PCCA: variants seen among roughly 807,000 people sequenced by gnomAD.
The protein encoded by PCCA is propionyl-CoA carboxylase alpha chain, mitochondrial.
PCCA carries 74 observed loss-of-function variants against 101.3 expected under a neutral mutation model. The ratio of observed to expected loss-of-function variants is 0.73; its 90% CI spans 0.61 to 0.89. The LOEUF is 0.89. PCCA is among the 40% of genes least tolerant of loss of function. The pLI, the probability that PCCA is intolerant of heterozygous loss-of-function variation, is 0.00. For synonymous variants in PCCA, 294 were observed against 313.6 expected (o/e 0.94, Z 0.66); for missense variants, 891 against 907.0 (o/e 0.98, Z 0.23).
At chr13:100,332,145 G>T (rs2069712822) in intron 17 of PCCA, among the ~76,000 whole-genome samples, 1 of 151,966 alleles carries the variant, frequency 6.6e-6, no homozygotes, top group African/African-American at 2.4e-5. Context: ...CACCATGTTG[G>T]CCAGGCTTGA....
At position 100,382,158 on chromosome 13, in the gene PCCA, A is replaced by C. The variant is rs576644551; in HGVS notation, c.1746+13584A>C. On this transcript the variant is annotated intron_variant, in intron 19 of 23. Transcript: ENST00000376285. ...GTCCAGGAAAAATGAGGTCACACGA[A>C]CTAATTGAAGGATGGTAAATGCAGG... Among the ~76,000 whole-genome samples the C allele has an allele frequency of 5.9e-5, 9 of 152,314 alleles. No homozygotes were observed. In the East Asian group the frequency reaches 1.7e-3, roughly 29 times the overall value.
chr13:100,219,631 A>C (rs996977968), intron 7 of PCCA, among the ~76,000 whole-genome samples: 14 of 152,202 alleles, frequency 9.2e-5, no homozygotes, highest in Non-Finnish European at 2.1e-4. Context: ...ATTAAGGTAA[A>C]TATACTGCCA....
At chr13:100,139,175 G>T (rs1322783312) in intron 4 of PCCA, among the ~76,000 whole-genome samples, 1 of 151,702 alleles carries the variant, frequency 6.6e-6, no homozygotes, top group African/African-American at 2.4e-5. Context: ...CAGGAATTTT[G>T]TCTTTAATTT....
Position 100,098,158 on chromosome 13 carries a change from A to C in PCCA, c.106-4725A>C, listed in dbSNP as rs114117163. ...ATGGGCTATAATTGTGCCTGTGAGT[A>C]GTCACTGCAGTCCAGCCTGGGCAAA... is the stretch of plus-strand genomic sequence containing the variant. On this transcript the variant is annotated intron_variant, in intron 1 of 23. Coordinates refer to ENST00000376285, the MANE Select transcript of PCCA (RefSeq NM_000282.4). Among the ~76,000 whole-genome samples, 714 of 152,200 alleles carry C rather than the reference A, an allele frequency of 4.7e-3. 8 individuals are homozygous for C. The highest frequency in any genetic ancestry group is 0.016 in the African/African-American group (679 of 41,528).
At chr13:100,184,700 T>A (rs1355400943) in intron 6 of PCCA, among the ~76,000 whole-genome samples, 2 of 152,252 alleles carry the variant, frequency 1.3e-5, no homozygotes, top group African/African-American at 4.8e-5. Flanking sequence ...TGGCTGTGTT[T>A]CAATACAACT....
chr13:100,224,506 G>A (rs1384913122), intron 7 of PCCA, among the ~76,000 whole-genome samples: 1 of 152,126 alleles, frequency 6.6e-6, no homozygotes. Context: ...CCACAGTGCA[G>A]GGGTGGGCTG....
chr13:100,166,119 C>T (rs991947191), intron 6 of PCCA, among the ~76,000 whole-genome samples: 4 of 152,170 alleles, frequency 2.6e-5, no homozygotes, highest in East Asian at 1.9e-4. Context: ...CTGGCTCTTT[C>T]GGCCACTTCC....
intron 21 of PCCA, among the ~76,000 whole-genome samples, chr13:100,455,900 G>A (rs181485900): frequency 6.6e-6 from 1 of 152,102 alleles, no homozygotes; most frequent in Admixed American, 6.5e-5. Context: ...GGGTTTCACT[G>A]TGTTGGCCAG....
chr13:100,204,863 G>A (rs766653800), intron 6 of PCCA, among the ~76,000 whole-genome samples: 2 of 152,022 alleles, frequency 1.3e-5, no homozygotes, highest in Non-Finnish European at 2.9e-5. Flanking sequence ...CCATCATAGC[G>A]CACAACAGCT....
intron 7 of PCCA, among the ~76,000 whole-genome samples, chr13:100,220,268 G>GT (rs949053134): frequency 4.0e-5 from 6 of 151,206 alleles, no homozygotes; most frequent in Non-Finnish European, 4.4e-5. Context: ...TTTTGTTTTT[G>GT]TTTTTTTTGA....
rs2067360212 is a variant in PCCA, at chr13:100,316,489, T to C, written c.1429+6581T>C. Among the ~76,000 whole-genome samples the C allele has an allele frequency of 2.0e-5, 3 of 152,232 alleles. No homozygotes were observed. The South Asian group carries it at 6.2e-4, about 31-fold the overall frequency. Reference sequence around the variant, plus strand: ...AACACCTATTTTTCAGCTTTGGATATAGAGGACAAATACAACATATGATTT... The same window carrying C: ...AACACCTATTTTTCAGCTTTGGATACAGAGGACAAATACAACATATGATTT... On this transcript the variant is annotated intron_variant, in intron 16 of 23. Transcript: ENST00000376285.
chr13:100,095,752 G>A (rs1203467075), intron 1 of PCCA, among the ~76,000 whole-genome samples: 1 of 152,196 alleles, frequency 6.6e-6, no homozygotes, highest in Non-Finnish European at 1.5e-5. Context: ...GTGATCTTAG[G>A]AGATGAGGGA....
chr13:100,214,262 G>T (rs1013250809), intron 7 of PCCA, among the ~76,000 whole-genome samples: 2 of 152,048 alleles, frequency 1.3e-5, no homozygotes, highest in Middle Eastern at 3.4e-3. Context: ...ATTGTCATTG[G>T]TATTTTGATA....
At chr13:100,298,274 T>G (rs1042606233) in intron 12 of PCCA, among the ~76,000 whole-genome samples, 2 of 152,124 alleles carry the variant, frequency 1.3e-5, no homozygotes, top group Non-Finnish European at 2.9e-5. Context: ...AAAGGTACTT[T>G]GCAAAAGGAG....
intron 6 of PCCA, among the ~76,000 whole-genome samples, chr13:100,192,817 C>G (rs956759044): frequency 6.6e-6 from 1 of 152,206 alleles, no homozygotes; most frequent in Admixed American, 6.5e-5. Flanking sequence ...AATGCTCCTT[C>G]CTTTGTGAAG....
At chr13:100,374,874 G>A (rs207474309) in intron 19 of PCCA, among the ~76,000 whole-genome samples, 14 of 151,812 alleles carry the variant, frequency 9.2e-5, no homozygotes, top group African/African-American at 2.9e-4. Context: ...CCTTCAGTTC[G>A]GCTCTGATCT....
intron 9 of PCCA, among the ~76,000 whole-genome samples, chr13:100,260,774 C>T (rs550063133): frequency 1.2e-4 from 18 of 151,884 alleles, no homozygotes; most frequent in Admixed American, 3.9e-4. Flanking sequence ...ATAATTAAAA[C>T]GCATCTTAAG....
At chr13:100,252,140 C>T (rs187811749) in intron 8 of PCCA, among the ~76,000 whole-genome samples, 125 of 152,272 alleles carry the variant, frequency 8.2e-4, no homozygotes, top group Non-Finnish European at 1.2e-3. Flanking sequence ...AGTTCTTTCT[C>T]GGAGTGGGGT....
intron 19 of PCCA, among the ~76,000 whole-genome samples, chr13:100,415,127 A>G (rs2078279046): frequency 6.6e-6 from 1 of 151,932 alleles, no homozygotes; most frequent in Non-Finnish European, 1.5e-5. Flanking sequence ...GTCGAATCAG[A>G]AAACAGTGGC....
Sources: allele counts gnomAD v4.1 joint callset (sites outside exome capture counted in the v4.1 genomes callset), GRCh38; gene constraint gnomAD v4.1.1; transcripts MANE v1.5; gene names NCBI Gene and HGNC (gene_info 2026-07-23, HGNC 2026-07-21).